Variants in CCDC61 observed in about 807,000 individuals in gnomAD.
CCDC61 encodes coiled-coil domain containing 61.
A neutral mutation model predicts 63.0 loss-of-function variants in CCDC61; 55 were observed. The ratio of observed to expected loss-of-function variants is 0.87; its 90% CI spans 0.70 to 1.09. CCDC61 has a LOEUF of 1.09. Ranked by LOEUF, CCDC61 falls within the 50% of genes least tolerant of loss-of-function variation. The pLI is 0.00. For synonymous variants in CCDC61, 270 were observed against 317.0 expected, an observed-to-expected ratio of 0.85 and a Z score of 1.58; for missense variants, 651 against 731.4, an observed-to-expected ratio of 0.89 and a Z score of 1.27.
chr19:46,003,897 T>C (rs1255392015), intron 3 of CCDC61, among the ~76,000 whole-genome samples: 2 of 151,918 alleles, frequency 1.3e-5, no homozygotes, highest in African/African-American at 4.8e-5. Flanking sequence ...ATATAGTTTA[T>C]ATAATTTCCA....
chr19:46,010,158 C>T (rs929319841), intron 5 of CCDC61, among the ~76,000 whole-genome samples: 3 of 152,240 alleles, frequency 2.0e-5, no homozygotes, highest in Non-Finnish European at 2.9e-5. Flanking sequence ...TAGATTCTTA[C>T]AGCCTAACAG....
intron 5 of CCDC61, 105 bp downstream of exon 5, chr19:46,008,406 C>T: frequency 5.1e-6 from 5 of 974,294 alleles, no homozygotes; most frequent in Non-Finnish European, 5.9e-6. Flanking sequence ...CCTTCGCCCA[C>T]CACGTATTCT....
chr19:46,018,414 T>C lies in CCDC61; in HGVS notation c.*27T>C. On this transcript the variant is annotated 3_prime_UTR_variant, in exon 14 of 14. Transcript: ENST00000595358. This position sits in a 1 kb window ranked among gnomAD's most constrained non-coding sequence, Gnocchi z 4.2. ...GTGGAGAAGGGGTACTACCCCTCCA[T>C]CCCCCACCCACTTGCTGGGTATGGT... 4.0e-6 allele frequency: 6 copies of C among 1,517,970 alleles called. No homozygotes were observed. The highest frequency in any genetic ancestry group is 4.5e-6 in the Non-Finnish European group (5 of 1,116,564). 94.0% of individuals were successfully genotyped at this position (1,517,970 alleles called of 1,614,324 possible). A position where few individuals can be genotyped will look rare whatever the true frequency, so the allele number is the denominator to read the frequency against.
intron 1 of CCDC61, among the ~76,000 whole-genome samples, chr19:45,998,311 A>G (rs1968530200): frequency 1.3e-5 from 2 of 152,298 alleles, no homozygotes; most frequent in South Asian, 4.1e-4. Flanking sequence ...CCACCCCCAG[A>G]GTTTCTGCTT....
chr19:46,017,059 C>G lies in CCDC61; in HGVS notation c.1300C>G (p.Leu434Val), dbSNP rs745885230. 5.0e-6 allele frequency: 8 copies of G among 1,612,246 alleles called. No individual in the cohort carries two copies. The highest frequency in any genetic ancestry group is 6.8e-6 in the Non-Finnish European group (8 of 1,179,208). The change falls in exon 11 of 14, where the codon CTC (leucine) becomes GTC (valine). Residue 434 changes from leucine (L) to valine (V), a missense_variant. Physicochemically the swap from Leu to Val is conservative, Grantham distance 32 (BLOSUM62 1). Coordinates refer to ENST00000595358, the MANE Select transcript of CCDC61 (RefSeq NM_001267723.2). ...CSDLEDFSES[L>V]SRGGHRRRGK... ...CGATTTGGAGGATTTCTCTGAGTCGCTCTCCAGAGGGTAAAACTTGAACTT... is the reference window on the plus strand; with the variant it reads ...CGATTTGGAGGATTTCTCTGAGTCGGTCTCCAGAGGGTAAAACTTGAACTT...
At chr19:45,997,138 A>G (rs1332041155) in intron 1 of CCDC61, among the ~76,000 whole-genome samples, 1 of 152,034 alleles carries the variant, frequency 6.6e-6, no homozygotes, top group African/African-American at 2.4e-5. Context: ...TTGCCATCTC[A>G]GGGCCTTTGT....
At chr19:46,002,228 G>A (rs1176679271) in intron 1 of CCDC61, among the ~76,000 whole-genome samples, 3 of 151,962 alleles carry the variant, frequency 2.0e-5, no homozygotes, top group African/African-American at 4.8e-5. Flanking sequence ...ACAGGCATGA[G>A]CCACCGCACC....
chr19:46,007,411 C>T lies in CCDC61; in HGVS notation c.389+695C>T, dbSNP rs191994482. 5.6e-3 allele frequency among the ~76,000 whole-genome samples: 855 copies of T among 152,184 alleles called. 11 individuals carry two copies. Among genetic ancestry groups the T allele is most frequent in the African/African-American group, 0.019 (784 of 41,516 alleles). Reference sequence around the variant, plus strand: ...CAAAATAGCTGCTGGATCCTCCAGACATTGCATCTATATCAAGGCAGGAAG... The same window carrying T: ...CAAAATAGCTGCTGGATCCTCCAGATATTGCATCTATATCAAGGCAGGAAG... On this transcript the variant is annotated intron_variant, in intron 4 of 13. Transcript: ENST00000595358.
rs777765775 is a variant in CCDC61, at chr19:46,018,171, C to G, written c.1441+21C>G. On this transcript the variant is annotated intron_variant, in intron 13 of 13. Coordinates refer to ENST00000595358, the MANE Select transcript of CCDC61 (RefSeq NM_001267723.2). This position sits in a 1 kb window ranked among gnomAD's most constrained non-coding sequence, Gnocchi z 4.2. Reference sequence around the variant, plus strand: ...CAAAGGTGAGCCTGGGACTCCACATCCCCTCTCCCAGCCCCAGGACCCGTT... The same window carrying G: ...CAAAGGTGAGCCTGGGACTCCACATGCCCTCTCCCAGCCCCAGGACCCGTT... 3.8e-5 allele frequency: 60 copies of G among 1,592,196 alleles called. No individual in the cohort carries two copies. Among genetic ancestry groups the G allele is most frequent in the Non-Finnish European group, 4.7e-5 (55 of 1,169,574 alleles).
intron 1 of CCDC61, among the ~76,000 whole-genome samples, chr19:45,995,720 A>C (rs566169609): frequency 3.1e-4 from 47 of 152,232 alleles, no homozygotes; most frequent in African/African-American, 1.0e-3. Context: ...TGTATATCGC[A>C]GGAGGGTCTT....
In CCDC61 at chr19:46,015,335, C is replaced by G. The variant is rs77368648; in HGVS notation, c.763-10C>G. On this transcript the variant is annotated splice_polypyrimidine_tract_variant and intron_variant, in intron 6 of 13. Coordinates refer to ENST00000595358, the MANE Select transcript of CCDC61 (RefSeq NM_001267723.2). The surrounding 1 kb of genome is among the most constrained non-coding windows in gnomAD (Gnocchi z 5.3). Reference sequence around the variant, plus strand: ...GCCTGGACCTCCGCGCCCCTCTCCCCTCCCGGCAGCTCGAGGAGGCGAAGG... The same window carrying G: ...GCCTGGACCTCCGCGCCCCTCTCCCGTCCCGGCAGCTCGAGGAGGCGAAGG... The G allele has an allele frequency of 2.5e-6, 4 of 1,598,526 alleles. No homozygotes were observed. Among genetic ancestry groups the G allele is most frequent in the South Asian group, 1.1e-5 (1 of 90,320 alleles).
intron 1 of CCDC61, chr19:46,000,072 T>A (rs891905765): frequency 1.0e-6 from 1 of 984,016 alleles, no homozygotes; most frequent in African/African-American, 1.8e-5. Flanking sequence ...AGGGACAGGG[T>A]CAGCGGCGGG....
chr19:46,014,208 C>T (rs1968881465), intron 5 of CCDC61, among the ~76,000 whole-genome samples: 1 of 152,152 alleles, frequency 6.6e-6, no homozygotes, highest in South Asian at 2.1e-4. Flanking sequence ...TCCCAAAGTG[C>T]TGAGATTACA....
intron 1 of CCDC61, among the ~76,000 whole-genome samples, chr19:46,000,648 A>G (rs1244678538): frequency 6.6e-6 from 1 of 151,948 alleles, no homozygotes; most frequent in Non-Finnish European, 1.5e-5. Context: ...TGGAGCTGGC[A>G]CGGGTGTGGG....
At chr19:46,003,563 G>A (rs531329054) in intron 3 of CCDC61, 62 bp downstream of exon 3, 2 of 1,199,308 alleles carry the variant, frequency 1.7e-6, no homozygotes, top group East Asian at 2.4e-5. Context: ...TTCCAGGGGG[G>A]TTGATGCCCA....
Position 46,015,896 on chromosome 19 carries a change from G to T in CCDC61, c.846-158G>T, listed in dbSNP as rs894072446. Among the ~76,000 whole-genome samples the T allele has an allele frequency of 6.6e-6, 1 of 151,922 alleles. No homozygotes were observed. The highest frequency in any genetic ancestry group is 1.5e-5 in the Non-Finnish European group (1 of 67,946). On this transcript the variant is annotated intron_variant, in intron 7 of 13. Transcript: ENST00000595358. This position sits in a 1 kb window ranked among gnomAD's most constrained non-coding sequence, Gnocchi z 5.3. Reference sequence around the variant, plus strand: ...TTAGGGGTCCAATTGGGTGAGGTCTGGGGGGGAAGATATCGAGAGGGTCAT... The same window carrying T: ...TTAGGGGTCCAATTGGGTGAGGTCTTGGGGGGAAGATATCGAGAGGGTCAT...
rs117131952 is a variant in CCDC61, at chr19:45,997,773, G to A, written c.-12+2269G>A. On this transcript the variant is annotated intron_variant, in intron 1 of 13. Transcript: ENST00000595358. ...CTCATCTCAGCTCACTACAACCTAC[G>A]CCTCCCAAGTTCAAGTGATTCTCCT... Among the ~76,000 whole-genome samples the A allele has an allele frequency of 7.2e-3, 1,095 of 152,032 alleles. 13 individuals are homozygous for A. The highest frequency in any genetic ancestry group is 9.8e-3 in the Non-Finnish European group (667 of 67,980).
Position 46,003,289 on chromosome 19 carries a change from T to G in CCDC61, c.148+123T>G, listed in dbSNP as rs1408489587. On this transcript the variant is annotated intron_variant, in intron 2 of 13. Coordinates refer to ENST00000595358, the MANE Select transcript of CCDC61 (RefSeq NM_001267723.2). ...CTTTGTCACCAGAAACTCTCCAGTG[T>G]GGGGAGGGGTGTAGGTCTTGTTGCT... 4.2e-6 allele frequency: 6 copies of G among 1,426,854 alleles called. No individual in the cohort carries two copies. In the Admixed American group the frequency reaches 8.6e-5, roughly 21 times the overall value. The allele number at this position is 1,426,854 out of a possible 1,614,324, so 88.4% of individuals were successfully genotyped here.
intron 1 of CCDC61, among the ~76,000 whole-genome samples, chr19:45,998,405 G>A (rs1968531966): frequency 6.6e-6 from 1 of 152,220 alleles, no homozygotes; most frequent in Admixed American, 6.5e-5. Flanking sequence ...ATCACTGTGA[G>A]AAACACTGTT....
Sources: allele counts gnomAD v4.1 joint callset (sites outside exome capture counted in the v4.1 genomes callset), GRCh38; gene constraint gnomAD v4.1.1; non-coding constraint Gnocchi (gnomAD v3.1); transcripts MANE v1.5; gene names NCBI Gene and HGNC (gene_info 2026-07-23, HGNC 2026-07-21).